TMED8: variants seen among roughly 807,000 people sequenced by gnomAD.
TMED8 encodes protein TMED8.
In TMED8, 15 loss-of-function variants were observed where a neutral mutation model predicts 32.7. The ratio of observed to expected loss-of-function variants is 0.46; its 90% CI spans 0.31 to 0.71. The LOEUF is 0.71. Ranked by LOEUF, TMED8 falls within the 30% of genes least tolerant of loss-of-function variation. TMED8 has a pLI of 0.06. For synonymous variants in TMED8, 147 were observed against 161.4 expected (o/e 0.91, Z 0.68); for missense variants, 390 against 423.9 (o/e 0.92, Z 0.70).
chr14:77,366,802 C>T (rs1426107051), intron 1 of TMED8, among the ~76,000 whole-genome samples: 1 of 152,168 alleles, frequency 6.6e-6, no homozygotes, highest in Admixed American at 6.5e-5. Flanking sequence ...GCTATCATTA[C>T]TCCCTTTCTA....
chr14:77,343,458 T>C lies in TMED8; in HGVS notation c.480A>G (p.Pro160=), dbSNP rs753212163. 23 of 1,613,492 alleles carry C rather than the reference T, an allele frequency of 1.4e-5. No homozygotes were observed. The South Asian group carries it at 2.5e-4, about 18-fold the overall frequency. ...RKVSPPLMAP[P]CIWTFAKVKE... ...TCACCTTGGCAAAGGTCCAGATGCA[T>C]GGAGGAGCCATCAGAGGTGGGGAGA... Residue 160 remains proline (P), a synonymous_variant, in exon 5 of 6, where the codon CCA becomes CCG. Coordinates refer to ENST00000216468, the MANE Select transcript of TMED8 (RefSeq NM_213601.3).
At position 77,353,692 on chromosome 14, in the gene TMED8, C is replaced by T. The variant is rs191825336; in HGVS notation, c.119-1941G>A. ...GGAAGGCTTGTCTTGAATTCCTGGG[C>T]TCAAGTGATCCTCCCACCTCAGCCT... On this transcript the variant is annotated intron_variant, in intron 1 of 5. Transcript: ENST00000216468. Among the ~76,000 whole-genome samples, 34 of 151,650 alleles carry T rather than the reference C, an allele frequency of 2.2e-4. No homozygotes were observed. The East Asian group carries it at 6.4e-3, about 29-fold the overall frequency.
intron 1 of TMED8, among the ~76,000 whole-genome samples, chr14:77,360,944 T>A (rs2139625888): frequency 6.6e-6 from 1 of 152,004 alleles, no homozygotes; most frequent in Non-Finnish European, 1.5e-5. Flanking sequence ...TACGTCTTCT[T>A]TGGAAAAACA....
At chr14:77,364,034 C>A (rs1467899098) in intron 1 of TMED8, among the ~76,000 whole-genome samples, 1 of 152,242 alleles carries the variant, frequency 6.6e-6, no homozygotes, top group Non-Finnish European at 1.5e-5. Context: ...ATCTATTTTA[C>A]ATTCACTGCA....
chr14:77,363,747 C>A (rs1369553361), intron 1 of TMED8, among the ~76,000 whole-genome samples: 1 of 151,866 alleles, frequency 6.6e-6, no homozygotes, highest in African/African-American at 2.4e-5. Context: ...TACTCAAACT[C>A]CTGGGCTCAA....
chr14:77,344,197 C>CT (rs1451313914), intron 3 of TMED8, among the ~76,000 whole-genome samples: 28 of 152,192 alleles, frequency 1.8e-4, no homozygotes, highest in African/African-American at 6.3e-4. Context: ...TGTGGCTCCT[C>CT]TCATTAATAG....
chr14:77,375,774 A>T (rs897660994), intron 1 of TMED8, among the ~76,000 whole-genome samples: 3 of 152,222 alleles, frequency 2.0e-5, no homozygotes, highest in Non-Finnish European at 4.4e-5. Context: ...CGGCACAGGA[A>T]GTTCAACTGA....
chr14:77,370,742 A>AGT (rs33940271), intron 1 of TMED8, among the ~76,000 whole-genome samples: 2,583 of 150,094 alleles, frequency 0.017, 30 homozygotes, highest in African/African-American at 0.036. Flanking sequence ...TATAAAAAAA[A>AGT]GTGTGTGTGT....
chr14:77,357,466 A>G (rs1394683819), intron 1 of TMED8, among the ~76,000 whole-genome samples: 2 of 152,210 alleles, frequency 1.3e-5, no homozygotes, highest in Non-Finnish European at 2.9e-5. Flanking sequence ...TTGGAATTCT[A>G]CTAAAAACAA....
chr14:77,363,353 G>C (rs947257810), intron 1 of TMED8, among the ~76,000 whole-genome samples: 3 of 152,162 alleles, frequency 2.0e-5, no homozygotes, highest in Non-Finnish European at 2.9e-5. Flanking sequence ...ACCTGCTCCT[G>C]AACAACCAAT....
rs557812029 is a variant in TMED8 at position 77,344,792 on chromosome 14, CATA to C, written c.328-972_328-970del. 1.2e-4 allele frequency among the ~76,000 whole-genome samples: 18 copies of C among 152,320 alleles called. 2 individuals carry two copies. In the East Asian group the frequency reaches 3.5e-3, roughly 29 times the overall value. On this transcript the variant is annotated intron_variant, in intron 3 of 5. Transcript: ENST00000216468. ...TTGTAATCCTCCCAGGCTGTATTCT[CATA>C]ATATCTGTTTCTGGAGAATAAGCCC...
At chr14:77,345,519 G>A (rs1191984741) in intron 3 of TMED8, among the ~76,000 whole-genome samples, 1 of 151,906 alleles carries the variant, frequency 6.6e-6, no homozygotes, top group African/African-American at 2.4e-5. Context: ...CATGGCAGGG[G>A]CACCACTACA....
rs535328119 is a variant in TMED8, at chr14:77,335,171, T to C, written c.*6600A>G. 18 of 152,244 alleles carry C rather than the reference T, an allele frequency of 1.2e-4. No individual in the cohort carries two copies. Among genetic ancestry groups the C allele is most frequent in the African/African-American group, 4.1e-4 (17 of 41,550 alleles). The allele number at this position is 152,244 out of a possible 1,614,324, so 9.4% of individuals were successfully genotyped here. ...AAGAAGCACAGCTCAGAATCATCAG[T>C]GTAATCGCAGTAACACACCCAGTGC... is the stretch of plus-strand genomic sequence containing the variant. On this transcript the variant is annotated 3_prime_UTR_variant, in exon 6 of 6. Coordinates refer to ENST00000216468, the MANE Select transcript of TMED8 (RefSeq NM_213601.3).
rs1307672475 is a variant in TMED8, at chr14:77,338,151, T to C, written c.*3620A>G. ...ATCTTAAGACTAACCAAACAGACCC[T>C]TTGTGGCAATAAAATACCAAATCCC... On this transcript the variant is annotated 3_prime_UTR_variant, in exon 6 of 6. Transcript: ENST00000216468. 6.6e-6 allele frequency: 1 copy of C among 152,120 alleles called. No individual in the cohort carries two copies. Among genetic ancestry groups the C allele is most frequent in the African/African-American group, 2.4e-5 (1 of 41,412 alleles). 9.4% of individuals were successfully genotyped at this position (152,120 alleles called of 1,614,324 possible). A position where few individuals can be genotyped will look rare whatever the true frequency, so the allele number is the denominator to read the frequency against.
intron 2 of TMED8, among the ~76,000 whole-genome samples, chr14:77,350,551 G>C (rs1038194454): frequency 6.6e-6 from 1 of 152,172 alleles, no homozygotes; most frequent in Non-Finnish European, 1.5e-5. Flanking sequence ...ACTACAACAG[G>C]CTATCTGAAT....
At chr14:77,346,568 A>T in intron 2 of TMED8, 90 bp from the exon 3 acceptor site, 2 of 1,541,114 alleles carry the variant, frequency 1.3e-6, no homozygotes, top group Middle Eastern at 1.7e-4. Flanking sequence ...AACATTCGAG[A>T]TACCCCCTGC....
At chr14:77,348,804 C>G (rs371292159) in intron 2 of TMED8, among the ~76,000 whole-genome samples, 10 of 152,184 alleles carry the variant, frequency 6.6e-5, no homozygotes, top group Non-Finnish European at 1.5e-4. Flanking sequence ...TTGGAATATC[C>G]AAAATTACTC....
chr14:77,346,498 T>C lies in TMED8; in HGVS notation c.198-20A>G, dbSNP rs1893040529. The stretch of plus-strand genomic sequence containing the variant: ...TGTGGCCTCTCAGAGGAAGAGAGCA[T>C]GTTAATTCAAGGACTCTTTGAAAAG... On this transcript the variant is annotated intron_variant, in intron 2 of 5. Coordinates refer to ENST00000216468, the MANE Select transcript of TMED8 (RefSeq NM_213601.3). 1.2e-6 allele frequency: 2 copies of C among 1,613,902 alleles called. No individual in the cohort carries two copies. Among genetic ancestry groups the C allele is most frequent in the South Asian group, 1.1e-5 (1 of 91,060 alleles).
intron 1 of TMED8, among the ~76,000 whole-genome samples, chr14:77,367,936 C>T (rs762924603): frequency 3.9e-5 from 6 of 152,172 alleles, no homozygotes; most frequent in South Asian, 2.1e-4. Flanking sequence ...TCAGGTGATC[C>T]GCCTTCCTCA....
Sources: gnomAD v4.1 joint callset for allele counts (sites outside exome capture counted in the v4.1 genomes callset) on GRCh38, gnomAD v4.1.1 for gene constraint, MANE v1.5 for transcripts, NCBI Gene and HGNC (gene_info 2026-07-23, HGNC 2026-07-21) for gene names.